Variants in SAMD3 observed in about 807,000 individuals in gnomAD.
The protein encoded by SAMD3 is sterile alpha motif domain containing 3, also known as sterile alpha motif domain-containing protein 3.
SAMD3 carries 63 observed loss-of-function variants against 58.5 expected under a neutral mutation model. The ratio of observed to expected loss-of-function variants is 1.08; its 90% confidence interval spans 0.88 to 1.33. The LOEUF (loss-of-function observed/expected upper bound fraction) is 1.33, where lower values mean the gene tolerates loss of function less well. Ranked by LOEUF, SAMD3 falls within the 40% of genes most tolerant of loss-of-function variation. The pLI is 0.00. For missense variants in SAMD3, 604 were observed against 608.4 expected (o/e 0.99, Z 0.08); for synonymous variants, 220 against 210.3 (o/e 1.05, Z -0.40).
At chr6:130,156,580 G>A (rs1411602767) in intron 8 of SAMD3, among the ~76,000 whole-genome samples, 2 of 152,136 alleles carry the variant, frequency 1.3e-5, no homozygotes, top group African/African-American at 2.4e-5. Context: ...TACCCATTAC[G>A]TTTCACATAC....
At chr6:130,309,909 C>G (rs1418712527) in intron 2 of SAMD3, among the ~76,000 whole-genome samples, 1 of 152,200 alleles carries the variant, frequency 6.6e-6, no homozygotes, top group East Asian at 1.9e-4. Flanking sequence ...CAATCACTTA[C>G]TAATATCATA....
Position 130,211,630 on chromosome 6 carries a change from C to G in SAMD3, c.270-2022G>C, listed in dbSNP as rs533668360. 7.8e-4 allele frequency among the ~76,000 whole-genome samples: 118 copies of G among 152,156 alleles called. 2 individuals are homozygous for G. The highest frequency in any genetic ancestry group is 7.7e-3 in the Admixed American group (117 of 15,264). ...TCTACCTGTGACCTGGAAGCCCCAG[C>G]TTTGAGTTGTCCTGCCCTTCCAGTT... On this transcript the variant is annotated intron_variant, in intron 4 of 11. Transcript: ENST00000439090.
chr6:130,199,600 TG>T (rs1273451315), intron 5 of SAMD3, among the ~76,000 whole-genome samples: 1 of 152,218 alleles, frequency 6.6e-6, no homozygotes, highest in African/African-American at 2.4e-5. Flanking sequence ...GCCAGTAACC[TG>T]GGAATTACCT....
intron 1 of SAMD3, among the ~76,000 whole-genome samples, chr6:130,364,309 A>G (rs1022276570): frequency 1.3e-5 from 2 of 152,088 alleles, no homozygotes; most frequent in Non-Finnish European, 2.9e-5. Flanking sequence ...CAGTCACTCA[A>G]TGCTTAAAAT....
intron 4 of SAMD3, among the ~76,000 whole-genome samples, chr6:130,213,013 C>A (rs931520349): frequency 6.6e-6 from 1 of 152,174 alleles, no homozygotes; most frequent in Non-Finnish European, 1.5e-5. Flanking sequence ...CCGGGCAAAG[C>A]AGCTCTTGCC....
chr6:130,149,980 T>C (rs1162246161), intron 9 of SAMD3, among the ~76,000 whole-genome samples: 3 of 152,224 alleles, frequency 2.0e-5, no homozygotes, highest in Non-Finnish European at 2.9e-5. Flanking sequence ...TCTATTAATC[T>C]ATCTGCAGAT....
intron 1 of SAMD3, among the ~76,000 whole-genome samples, chr6:130,218,964 G>C (rs949560262): frequency 6.6e-6 from 1 of 152,172 alleles, no homozygotes; most frequent in East Asian, 1.9e-4. Flanking sequence ...AAGCTTGGGA[G>C]AGTCATTGAA....
At chr6:130,299,143 C>T (rs1775664186) in intron 2 of SAMD3, among the ~76,000 whole-genome samples, 1 of 152,090 alleles carries the variant, frequency 6.6e-6, no homozygotes, top group African/African-American at 2.4e-5. Flanking sequence ...TTCCACCCCA[C>T]AATCACATAA....
At chr6:130,258,010 G>A (rs1583016177) in intron 2 of SAMD3, among the ~76,000 whole-genome samples, 1 of 152,034 alleles carries the variant, frequency 6.6e-6, no homozygotes, top group Non-Finnish European at 1.5e-5. Flanking sequence ...TACAATACAT[G>A]TTATTGTACA....
intron 1 of SAMD3, among the ~76,000 whole-genome samples, chr6:130,342,578 TA>T (rs1407335408): frequency 6.6e-6 from 1 of 152,122 alleles, no homozygotes; most frequent in Non-Finnish European, 1.5e-5. Context: ...TTAAAAAACA[TA>T]AAATACCATA....
intron 8 of SAMD3, among the ~76,000 whole-genome samples, chr6:130,163,189 AG>A (rs1170656766): frequency 7.2e-5 from 11 of 152,376 alleles, no homozygotes; most frequent in African/African-American, 2.6e-4. Flanking sequence ...AAAATTTTTA[AG>A]AATGATTACA....
chr6:130,325,791 A>G (rs943300204), intron 1 of SAMD3, among the ~76,000 whole-genome samples: 2 of 152,146 alleles, frequency 1.3e-5, no homozygotes, highest in African/African-American at 2.4e-5. Context: ...TTTGAGTTCA[A>G]TGTACCCGTT....
downstream of SAMD3, chr6:130,143,982 A>G (rs968402796): frequency 2.0e-5 from 3 of 153,260 alleles, no homozygotes; most frequent in Non-Finnish European, 4.4e-5. Context: ...GGAGACCTCA[A>G]AAATGCCGCA....
At chr6:130,192,820 C>T (rs141931844) in intron 5 of SAMD3, among the ~76,000 whole-genome samples, 153 of 152,304 alleles carry the variant, frequency 1.0e-3, no homozygotes, top group Non-Finnish European at 1.8e-3. Flanking sequence ...GGTCTTCAGA[C>T]CAACCAGCCC....
intron 5 of SAMD3, among the ~76,000 whole-genome samples, chr6:130,201,807 CA>C (rs1284467085): frequency 1.3e-5 from 2 of 152,216 alleles, no homozygotes; most frequent in Non-Finnish European, 2.9e-5. Context: ...AATCATCTTT[CA>C]AAATCCTCCT....
At chr6:130,317,368 G>A (rs1250152916) in intron 1 of SAMD3, among the ~76,000 whole-genome samples, 2 of 152,128 alleles carry the variant, frequency 1.3e-5, no homozygotes, top group Non-Finnish European at 2.9e-5. Context: ...CGCCTACTAC[G>A]TGTTACTTAT....
chr6:130,290,259 G>A lies in SAMD3; in HGVS notation c.-188+22719C>T, dbSNP rs138427864. On this transcript the variant is annotated intron_variant, in intron 2 of 13. Coordinates refer to the SAMD3 transcript ENST00000368134. ...CTGAAATCCATAAACAGGAGAGCAG[G>A]TTGAAAATTCCAGGAAGAGCTGGTG... Among the ~76,000 whole-genome samples, 110 of 152,258 alleles carry A rather than the reference G, an allele frequency of 7.2e-4. No individual in the cohort carries two copies. The Middle Eastern group carries it at 0.01, about 14-fold the overall frequency.
intron 8 of SAMD3, chr6:130,161,532 T>C (rs1790280625): frequency 6.6e-6 from 1 of 152,212 alleles, no homozygotes; most frequent in African/African-American, 2.4e-5. Context: ...GGTTGTATTC[T>C]AGACTGAAGT....
chr6:130,179,137 TTTC>T (rs1792027369), intron 7 of SAMD3, among the ~76,000 whole-genome samples: 1 of 152,204 alleles, frequency 6.6e-6, no homozygotes, highest in South Asian at 2.1e-4. Context: ...AAATTGCCAA[TTTC>T]TTCTTTCTAG....
Sources: allele counts gnomAD v4.1 joint callset (sites outside exome capture counted in the v4.1 genomes callset), GRCh38; gene constraint gnomAD v4.1.1; transcripts MANE v1.5; gene names NCBI Gene and HGNC (gene_info 2026-07-23, HGNC 2026-07-21).